The following TMIGD3 variants were observed in gnomAD, a reference collection of about 807,000 sequenced individuals.
TMIGD3 encodes AD026 protein (AD026).
A neutral mutation model predicts 28.1 loss-of-function variants in TMIGD3; 21 were observed. The observed-to-expected ratio is 0.75, with a 90% CI of 0.53 to 1.08. The LOEUF (loss-of-function observed/expected upper bound fraction) is 1.08, where lower values mean the gene tolerates loss of function less well. Among genes scored for constraint, TMIGD3 ranks in the 50% least tolerant of loss-of-function variants. The pLI is 0.00. For missense variants in TMIGD3, 416 were observed against 435.6 expected, an observed-to-expected ratio of 0.96 and a Z score of 0.40; for synonymous variants, 151 against 162.1, an observed-to-expected ratio of 0.93 and a Z score of 0.52.
chr1:111,514,749 C>T (rs558843282), intron 1 of TMIGD3, among the ~76,000 whole-genome samples: 34 of 152,132 alleles, frequency 2.2e-4, no homozygotes, highest in South Asian at 1.7e-3. Flanking sequence ...TCAGACTTCC[C>T]CATGCAGTAA....
chr1:111,520,458 A>C (rs150742256), intron 1 of TMIGD3, among the ~76,000 whole-genome samples: 4 of 152,364 alleles, frequency 2.6e-5, no homozygotes, highest in African/African-American at 9.6e-5. Context: ...TCTCCCATGC[A>C]GGAAACTGGA....
chr1:111,512,412 A>T (rs1215774794), intron 1 of TMIGD3, among the ~76,000 whole-genome samples: 2 of 152,252 alleles, frequency 1.3e-5, no homozygotes, highest in East Asian at 3.8e-4. Flanking sequence ...GGCTCCAGCC[A>T]TGTGTTTCTG....
chr1:111,505,048 T>C, upstream of TMIGD3: 1 of 983,088 alleles, frequency 1.0e-6, no homozygotes, highest in Non-Finnish European at 1.2e-6. Context: ...TAAATGTTTC[T>C]ACTGTAATTG....
chr1:111,514,281 A>G (rs1655786771), intron 1 of TMIGD3, among the ~76,000 whole-genome samples: 1 of 152,168 alleles, frequency 6.6e-6, no homozygotes, highest in East Asian at 1.9e-4. Flanking sequence ...GCGGCAGCTC[A>G]CACCTGTGAT....
chr1:111,529,939 GGGGCGGCCGGGC>G (rs1656398159), intron 1 of TMIGD3, among the ~76,000 whole-genome samples: 1 of 147,136 alleles, frequency 6.8e-6, no homozygotes, highest in African/African-American at 2.6e-5. Flanking sequence ...CTTCCCAGTA[GGGGCGGCCGGGC>G]AGAGGCGCCC....
At chr1:111,519,064 A>G (rs1435287856) in intron 1 of TMIGD3, among the ~76,000 whole-genome samples, 1 of 151,956 alleles carries the variant, frequency 6.6e-6, no homozygotes, top group Non-Finnish European at 1.5e-5. Context: ...TCATCCTCCC[A>G]AGTAGCTTGG....
intron 1 of TMIGD3, among the ~76,000 whole-genome samples, chr1:111,553,096 T>A (rs1657336247): frequency 6.6e-6 from 1 of 152,218 alleles, no homozygotes; most frequent in Non-Finnish European, 1.5e-5. Context: ...GGGAAACAAT[T>A]TCTCATTAAT....
At position 111,501,885 on chromosome 1, in the gene TMIGD3, G is replaced by A. The variant is rs143053752; in HGVS notation, c.350+1120C>T. Among the ~76,000 whole-genome samples, 517 of 151,580 alleles carry A rather than the reference G, an allele frequency of 3.4e-3. 3 individuals carry two copies. The highest frequency in any genetic ancestry group is 0.012 in the African/African-American group (486 of 41,298). On this transcript the variant is annotated intron_variant, in intron 1 of 5. Transcript: ENST00000369716. The stretch of plus-strand genomic sequence containing the variant: ...GAGACCAATGCAATTTAGGTCACCC[G>A]GGGAAGTAGATTTCTCCATTTGGCA...
intron 1 of TMIGD3, among the ~76,000 whole-genome samples, chr1:111,555,512 T>C (rs966819181): frequency 1.3e-5 from 2 of 151,656 alleles, no homozygotes; most frequent in African/African-American, 4.8e-5. Context: ...AATTAGTAAA[T>C]TGAAGAATAG....
chr1:111,520,597 GAT>G (rs1656025899), intron 1 of TMIGD3, among the ~76,000 whole-genome samples: 1 of 152,192 alleles, frequency 6.6e-6, no homozygotes, highest in African/African-American at 2.4e-5. Flanking sequence ...GACTGTTTTG[GAT>G]GGAAGCCATT....
intron 1 of TMIGD3, among the ~76,000 whole-genome samples, chr1:111,521,208 G>A (rs1328947537): frequency 1.3e-5 from 2 of 152,136 alleles, no homozygotes; most frequent in African/African-American, 4.8e-5. Flanking sequence ...CATCTGGATT[G>A]TTTCCAGTTT....
chr1:111,515,700 C>A (rs969924926), intron 1 of TMIGD3, among the ~76,000 whole-genome samples: 2 of 152,214 alleles, frequency 1.3e-5, no homozygotes, highest in African/African-American at 4.8e-5. Context: ...GTGGCCCCGA[C>A]AACCCCCCAG....
At chr1:111,527,006 CTTTTT>C (rs71580580) in intron 1 of TMIGD3, among the ~76,000 whole-genome samples, 3 of 87,732 alleles carry the variant, frequency 3.4e-5, no homozygotes, top group Admixed American at 1.6e-4. Flanking sequence ...TCCTCAATGT[CTTTTT>C]TTTTTTTTTT....
At chr1:111,506,926 T>TATATAC (rs1553201738), upstream of TMIGD3, among the ~76,000 whole-genome samples, 1,659 of 134,838 alleles carry the variant, frequency 0.012, 23 homozygotes, top group Admixed American at 0.039. Context: ...TATATATATA[T>TATATAC]ACACACACAC....
intron 1 of TMIGD3, among the ~76,000 whole-genome samples, chr1:111,524,687 T>C (rs139441014): frequency 0.011 from 1,665 of 152,320 alleles, 30 homozygotes; most frequent in African/African-American, 0.035. Flanking sequence ...TGGCATGATC[T>C]CGGCTTGCTG....
chr1:111,549,407 G>A (rs762444613), intron 1 of TMIGD3, among the ~76,000 whole-genome samples: 10 of 150,214 alleles, frequency 6.7e-5, no homozygotes, highest in Non-Finnish European at 1.0e-4. Flanking sequence ...CCAGCACTTC[G>A]GGAGGCTGAG....
chr1:111,546,236 C>T (rs1489373232), intron 1 of TMIGD3, among the ~76,000 whole-genome samples: 2 of 152,070 alleles, frequency 1.3e-5, no homozygotes, highest in African/African-American at 2.4e-5. Context: ...ATTTTTTCCT[C>T]TCTTCTTGTT....
chr1:111,528,963 C>G (rs1022084478), intron 1 of TMIGD3, among the ~76,000 whole-genome samples: 3 of 151,972 alleles, frequency 2.0e-5, no homozygotes, highest in Non-Finnish European at 4.4e-5. Flanking sequence ...CAAAAACAGA[C>G]AGTTTCGTTT....
chr1:111,499,794 G>A (rs558677508), intron 1 of TMIGD3: 5 of 1,468,732 alleles, frequency 3.4e-6, no homozygotes, highest in African/African-American at 1.4e-5. Flanking sequence ...GAGTAGTGGA[G>A]TGGGGGAGAT....
Sources: allele counts gnomAD v4.1 joint callset (sites outside exome capture counted in the v4.1 genomes callset), GRCh38; gene constraint gnomAD v4.1.1; transcripts MANE v1.5; gene names NCBI Gene and HGNC (gene_info 2026-07-23, HGNC 2026-07-21).